Variants in NADSYN1 observed in about 807,000 individuals in gnomAD.
NADSYN1 encodes glutamine-dependent NAD(+) synthetase.
A neutral mutation model predicts 99.3 loss-of-function variants in NADSYN1; 80 were observed. The observed-to-expected ratio is 0.81, with a 90% CI of 0.67 to 0.97. The LOEUF (loss-of-function observed/expected upper bound fraction) is 0.97, where lower values mean the gene tolerates loss of function less well. NADSYN1 is among the 50% of genes least tolerant of loss of function. The pLI is 0.00. For synonymous variants in NADSYN1, 385 were observed against 372.1 expected (o/e 1.03, Z -0.40); for missense variants, 859 against 948.5 (o/e 0.91, Z 1.24).
chr11:71,465,973 T>G (rs963932302), intron 5 of NADSYN1, among the ~76,000 whole-genome samples: 8 of 152,192 alleles, frequency 5.3e-5, no homozygotes, highest in African/African-American at 1.9e-4. Flanking sequence ...TTTTCTTAAC[T>G]TTTGTTGGCC....
At chr11:71,476,835 C>T (rs969115963) in intron 9 of NADSYN1, 9 of 985,838 alleles carry the variant, frequency 9.1e-6, no homozygotes, top group South Asian at 4.7e-5. Flanking sequence ...GCCACCAAAT[C>T]GGAGTCCTCG....
rs766741110 is a variant in NADSYN1 at position 71,473,656 on chromosome 11, G to C, written c.636G>C (p.Arg212Ser). The C allele has an allele frequency of 2.9e-5, 46 of 1,612,942 alleles. No homozygotes were observed. The highest frequency in any genetic ancestry group is 3.6e-5 in the Non-Finnish European group (42 of 1,179,700). ...SHQVLRKANT[R>S]VDLVTMVTSK... ...AAGTGCTGCGCAAAGCCAACACCAG[G>C]GTGGATCTCGTGACTATGGTCACCA... Residue 212 changes from arginine (R) to serine (S), a missense_variant, in exon 8 of 21, where the codon AGG becomes AGC. Coordinates refer to ENST00000319023, the MANE Select transcript of NADSYN1 (RefSeq NM_018161.5).
chr11:71,455,092 T>A lies in NADSYN1; in HGVS notation c.86-18T>A. The stretch of plus-strand genomic sequence containing the variant: ...GTGCTGAAATTGCTCCATTTTCTTT[T>A]TCTCTCTGTACTTACAGGTATTGAA... On this transcript the variant is annotated intron_variant, in intron 1 of 20. Coordinates refer to ENST00000319023, the MANE Select transcript of NADSYN1 (RefSeq NM_018161.5). The A allele has an allele frequency of 6.2e-7, 1 of 1,605,208 alleles. No homozygotes were observed. Among genetic ancestry groups the A allele is most frequent in the Non-Finnish European group, 8.5e-7 (1 of 1,172,852 alleles).
rs982498952 is a variant in NADSYN1 at position 71,477,076 on chromosome 11, G to A, written c.799-1319G>A. ...ATGGTCAACAGAAGTCTTGTGACACGTGGAATCATTTCAGAGTCACCCCTT... is the reference window on the plus strand; with the variant it reads ...ATGGTCAACAGAAGTCTTGTGACACATGGAATCATTTCAGAGTCACCCCTT... On this transcript the variant is annotated intron_variant, in intron 9 of 20. Transcript: ENST00000319023. 8 of 1,103,550 alleles carry A rather than the reference G, an allele frequency of 7.2e-6. 1 individual carries two copies. The highest frequency in any genetic ancestry group is 6.7e-6 in the Non-Finnish European group (6 of 897,528). The allele number at this position is 1,103,550 out of a possible 1,614,324, so 68.4% of individuals were successfully genotyped here.
rs777392743 is a variant in NADSYN1 at position 71,464,065 on chromosome 11, C to T, written c.330C>T (p.Leu110=). The T allele has an allele frequency of 1.2e-5, 20 of 1,611,780 alleles. No individual in the cohort carries two copies. In the East Asian group the frequency reaches 3.8e-4, roughly 31 times the overall value. Residue 110 remains leucine, a synonymous_variant, in exon 5 of 21, where the codon CTC becomes CTT. Transcript: ENST00000319023. ...CCCCTGTCTGCAGGAAGATCCTGCT[C>T]ATCAGACCCAAGATGGCCTTGGCCA... The part of the protein sequence containing the change: ...RVIFLNRKIL[L]IRPKMALANE...
At chr11:71,488,256 G>C (rs1413716164) in intron 16 of NADSYN1, among the ~76,000 whole-genome samples, 1 of 152,156 alleles carries the variant, frequency 6.6e-6, no homozygotes, top group African/African-American at 2.4e-5. Flanking sequence ...GACAGTGATA[G>C]CCCAGCAGAT....
intron 2 of NADSYN1, among the ~76,000 whole-genome samples, chr11:71,455,786 A>G (rs1186855153): frequency 2.0e-5 from 3 of 152,256 alleles, no homozygotes; most frequent in Admixed American, 6.5e-5. Context: ...TTGTTATAGC[A>G]GGCTGAAGGA....
intron 2 of NADSYN1, among the ~76,000 whole-genome samples, chr11:71,457,365 T>C (rs1949520916): frequency 1.3e-5 from 2 of 152,328 alleles, no homozygotes; most frequent in Admixed American, 1.3e-4. Context: ...TTTATGCAGG[T>C]GTGTGCGAGG....
At chr11:71,497,405 C>A (rs1158787179) in intron 18 of NADSYN1, 78 bp from the exon 19 acceptor site, 1 of 1,591,650 alleles carries the variant, frequency 6.3e-7, no homozygotes, top group Non-Finnish European at 8.6e-7. Context: ...TCTCTGGTTC[C>A]CATCTCCAAA....
At chr11:71,483,679 C>G (rs1286580472) in intron 14 of NADSYN1, among the ~76,000 whole-genome samples, 1 of 152,220 alleles carries the variant, frequency 6.6e-6, no homozygotes, top group Non-Finnish European at 1.5e-5. Flanking sequence ...TCCAGTGATT[C>G]TCCTCCTAGA....
intron 16 of NADSYN1, 27 bp downstream of exon 16, chr11:71,485,675 G>C: frequency 6.6e-7 from 1 of 1,509,782 alleles, no homozygotes; most frequent in South Asian, 1.2e-5. Flanking sequence ...GGCACGTGGT[G>C]GTGGGCCCCT....
At chr11:71,477,444 G>A in intron 9 of NADSYN1, 1 of 1,289,460 alleles carries the variant, frequency 7.8e-7, no homozygotes, top group South Asian at 1.2e-5. Context: ...GCCAGGTATG[G>A]CCCCCTGTTA....
rs1242669537 is a variant in NADSYN1, at chr11:71,498,751, C to T, written c.2070+223C>T. 18 of 454,904 alleles carry T rather than the reference C, an allele frequency of 4.0e-5. No individual in the cohort carries two copies. The East Asian group carries it at 6.7e-4, about 17-fold the overall frequency. 28.2% of individuals were successfully genotyped at this position (454,904 alleles called of 1,614,324 possible). On this transcript the variant is annotated intron_variant, in intron 20 of 20. Coordinates refer to ENST00000319023, the MANE Select transcript of NADSYN1 (RefSeq NM_018161.5). ...ATTGATGGTGTCCAACATGACATTT[C>T]GATATGTGTGTCACAGTGGAATGGC...
intron 18 of NADSYN1, chr11:71,496,530 C>G (rs1949820318): frequency 6.6e-6 from 1 of 152,290 alleles, no homozygotes; most frequent in Admixed American, 6.5e-5. Context: ...CGCCCCTCCC[C>G]TCACCTCCTG....
Position 71,491,349 on chromosome 11 carries a change from T to A in NADSYN1, c.1694+373T>A, listed in dbSNP as rs115521549. On this transcript the variant is annotated intron_variant, in intron 17 of 20. Transcript: ENST00000319023. The stretch of plus-strand genomic sequence containing the variant: ...GACCTTTCTTCGGCCTTTGCCGAGG[T>A]TCCCTGCCACGGGAATGTGTTTTCT... Among the ~76,000 whole-genome samples the A allele has an allele frequency of 8.9e-3, 1,363 of 152,312 alleles. 21 individuals are homozygous for A. Among genetic ancestry groups the A allele is most frequent in the African/African-American group, 0.031 (1,295 of 41,574 alleles).
intron 1 of NADSYN1, among the ~76,000 whole-genome samples, chr11:71,454,058 A>G (rs1417566666): frequency 6.6e-6 from 1 of 152,180 alleles, no homozygotes; most frequent in African/African-American, 2.4e-5. Context: ...AAGTTAAACT[A>G]TTACACCTGC....
intron 20 of NADSYN1, 103 bp downstream of exon 20, chr11:71,498,631 AC>A: frequency 7.8e-7 from 1 of 1,281,728 alleles, no homozygotes; most frequent in South Asian, 1.5e-5. Context: ...ATACACAGTA[AC>A]TTTTTTACTG....
At chr11:71,462,182 T>C (rs1316093334) in intron 3 of NADSYN1, among the ~76,000 whole-genome samples, 1 of 152,060 alleles carries the variant, frequency 6.6e-6, no homozygotes, top group African/African-American at 2.4e-5. Flanking sequence ...ACAGGCCTCA[T>C]TTACCCTCCT....
Position 71,478,461 on chromosome 11 carries a change from A to G in NADSYN1, c.865A>G (p.Asn289Asp). Residue 289 changes from asparagine to aspartate, a missense_variant, in exon 10 of 21, where the codon AAC (asparagine) becomes GAC (aspartate). Physicochemically the swap from Asn to Asp is conservative, Grantham distance 23. Coordinates refer to ENST00000319023, the MANE Select transcript of NADSYN1 (RefSeq NM_018161.5). ...CTACAGGGCGGAGATTTCATCTCGA[A>G]ACCTGGCGGTGAGTGCTCCAGTAGA... ...RSYRAEISSR[N>D]LAASRASPYP... is the part of the protein sequence containing the mutation. 2 of 1,604,724 alleles carry G rather than the reference A, an allele frequency of 1.2e-6. No homozygotes were observed. Among genetic ancestry groups the G allele is most frequent in the Non-Finnish European group, 1.7e-6 (2 of 1,175,608 alleles).
Sources: gnomAD v4.1 joint callset for allele counts (sites outside exome capture counted in the v4.1 genomes callset) on GRCh38, gnomAD v4.1.1 for gene constraint, MANE v1.5 for transcripts, NCBI Gene and HGNC (gene_info 2026-07-23, HGNC 2026-07-21) for gene names.